Variants in UGDH observed in about 807,000 individuals in gnomAD.
UGDH encodes the protein UDP-Glc dehydrogenase.
UGDH carries 38 observed loss-of-function variants against 50.6 expected under a neutral mutation model. That is an observed-to-expected ratio of 0.75 (90% CI 0.58 to 0.98). The LOEUF (loss-of-function observed/expected upper bound fraction) is 0.98. UGDH is among the 50% of genes least tolerant of loss of function. UGDH has a pLI of 0.00. For synonymous variants in UGDH, 168 were observed against 199.9 expected (o/e 0.84, Z 1.35); for missense variants, 465 against 606.2 (o/e 0.77, Z 2.45).
At position 39,500,024 on chromosome 4, in the gene UGDH, T is replaced by C. The variant is rs577021038; in HGVS notation, c.*119A>G. Reference sequence around the variant, plus strand: ...CAGCCTGGGCAACAGTGAGACTCTGTCTCAAAAAAAAAACAAAAAAAAACA... The same window carrying C: ...CAGCCTGGGCAACAGTGAGACTCTGCCTCAAAAAAAAAACAAAAAAAAACA... On this transcript the variant is annotated 3_prime_UTR_variant, in exon 12 of 12. Coordinates refer to ENST00000316423, the MANE Select transcript of UGDH (RefSeq NM_003359.4). 1.9e-4 allele frequency: 109 copies of C among 586,742 alleles called. No homozygotes were observed. In the African/African-American group the frequency reaches 2.0e-3, roughly 11 times the overall value. 36.3% of individuals were successfully genotyped at this position (586,742 alleles called of 1,614,324 possible).
chr4:39,500,492 T>C (rs1283482407), intron 11 of UGDH, among the ~76,000 whole-genome samples: 1 of 152,158 alleles, frequency 6.6e-6, no homozygotes, highest in African/African-American at 2.4e-5. Context: ...TCCCCACACC[T>C]GACTCCCTCA....
intron 3 of UGDH, 72 bp downstream of exon 3, chr4:39,514,011 T>A (rs551788522): frequency 2.1e-6 from 2 of 969,698 alleles, no homozygotes; most frequent in Non-Finnish European, 2.7e-6. Context: ...ATGGATTTAC[T>A]ATTAAAGTAT....
At chr4:39,502,553 A>AT (rs1745861307) in intron 11 of UGDH, among the ~76,000 whole-genome samples, 1 of 151,938 alleles carries the variant, frequency 6.6e-6, no homozygotes, top group Non-Finnish European at 1.5e-5. Flanking sequence ...CCCCTGGCAT[A>AT]TTTTTTTATT....
intron 6 of UGDH, 131 bp downstream of exon 6, chr4:39,509,629 A>C: frequency 2.8e-6 from 3 of 1,086,498 alleles, no homozygotes; most frequent in Non-Finnish European, 1.2e-6. Context: ...ATCTCTAAAA[A>C]AGAAAATAAC....
In UGDH at chr4:39,504,625, T is replaced by C. The variant is rs1745959174; in HGVS notation, c.1172-117A>G. 4 of 900,920 alleles carry C rather than the reference T, an allele frequency of 4.4e-6. No individual in the cohort carries two copies. The East Asian group carries it at 7.9e-5, about 18-fold the overall frequency. 55.8% of individuals were successfully genotyped at this position (900,920 alleles called of 1,614,324 possible). Reference sequence around the variant, plus strand: ...AAGACCCCCAGTAGATGTCTGAAACTGTGGAGAGTACTGAACCCTATATAT... The same window carrying C: ...AAGACCCCCAGTAGATGTCTGAAACCGTGGAGAGTACTGAACCCTATATAT... On this transcript the variant is annotated intron_variant, in intron 9 of 11. Transcript: ENST00000316423.
chr4:39,505,332 T>C lies in UGDH; in HGVS notation c.1076A>G (p.Asp359Gly). 6.3e-7 allele frequency: 1 copy of C among 1,585,824 alleles called. No individual in the cohort carries two copies. Residue 359 changes from aspartate (D) to glycine (G), a missense_variant, in exon 9 of 12, where the codon GAT becomes GGT. By Grantham distance (94) the Asp-to-Gly change is moderately conservative. Coordinates refer to ENST00000316423, the MANE Select transcript of UGDH (RefSeq NM_003359.4). ...ATATATATGTAGATGTGCACCTTCA[T>C]CCATCAAATATTTGCTAATATATAT... is the stretch of plus-strand genomic sequence containing the variant. ...SSIYISKYLM[D>G]EGAHLHIYDP... is the part of the protein sequence containing the mutation.
chr4:39,504,495 C>A lies in UGDH; in HGVS notation c.1185G>T (p.Val395=). 6.2e-7 allele frequency: 1 copy of A among 1,613,758 alleles called. No homozygotes were observed. The highest frequency in any genetic ancestry group is 1.1e-5 in the South Asian group (1 of 91,006). The change falls in exon 10 of 12, where the codon GTG becomes GTT. Residue 395 remains valine (V), a synonymous_variant. Coordinates refer to ENST00000316423, the MANE Select transcript of UGDH (RefSeq NM_003359.4). ...CTTCATATGGATCCTTGGAAATGGT[C>A]ACGAGCCGGGACACTGTAACAATAG... ...VSEDDQVSRL[V]TISKDPYEAC...
rs1292322562 is a variant in UGDH at position 39,504,038 on chromosome 4, G to A, written c.1264-53C>T. The A allele has an allele frequency of 4.7e-6, 7 of 1,487,506 alleles. No individual in the cohort carries two copies. In the Admixed American group the frequency reaches 9.1e-5, roughly 19 times the overall value. The allele number at this position is 1,487,506 out of a possible 1,614,324, so 92.1% of individuals were successfully genotyped here. ...AAAACACATACGTGGGCCGGGCGGA[G>A]TGGCTCATGCCTGTAATCCCAGCAC... On this transcript the variant is annotated intron_variant, in intron 10 of 11. Coordinates refer to ENST00000316423, the MANE Select transcript of UGDH (RefSeq NM_003359.4).
At position 39,505,238 on chromosome 4, in the gene UGDH, T is replaced by G. The variant is rs774785564; in HGVS notation, c.1170A>C (p.Gln390His). Residue 390 changes from glutamine (Q) to histidine (H), a missense_variant and splice_region_variant, in exon 9 of 12, where the codon CAA becomes CAC. By Grantham distance (24) the Gln-to-His change is conservative. Coordinates refer to ENST00000316423, the MANE Select transcript of UGDH (RefSeq NM_003359.4). ...GATTCATGAGACTCAAAGCCTTACC[T>G]TGGTCATCCTCTGAAACACCTGGAT... is the stretch of plus-strand genomic sequence containing the variant. ...LSHPGVSEDDQVSRLVTISKD... is the reference protein window; with the variant it reads ...LSHPGVSEDDHVSRLVTISKD... 1 of 1,588,596 alleles carries G rather than the reference T, an allele frequency of 6.3e-7. No homozygotes were observed. Among genetic ancestry groups the G allele is most frequent in the Admixed American group, 1.8e-5 (1 of 54,362 alleles).
chr4:39,521,428 C>T lies in UGDH; in HGVS notation c.85G>A (p.Glu29Lys). 2.5e-6 allele frequency: 4 copies of T among 1,613,518 alleles called. No homozygotes were observed. The highest frequency in any genetic ancestry group is 3.4e-6 in the Non-Finnish European group (4 of 1,179,720). The change falls in exon 2 of 12, where the codon GAA becomes AAA. Residue 29 changes from glutamate (E) to lysine (K), a missense_variant. By Grantham distance (56) the Glu-to-Lys change is moderately conservative. Transcript: ENST00000316423. ...TCSVIAHMCPEIRVTVVDVNE... is the reference protein window; with the variant it reads ...TCSVIAHMCPKIRVTVVDVNE... ...ACATCAACAACCGTTACCCTGATTT[C>T]AGGACACATATGAGCAATGACACTA...
intron 2 of UGDH, among the ~76,000 whole-genome samples, chr4:39,516,461 C>A (rs1391391819): frequency 2.0e-5 from 3 of 152,152 alleles, no homozygotes; most frequent in African/African-American, 7.2e-5. Context: ...TGCTTGAAAT[C>A]TTCCACAACA....
At chr4:39,520,687 T>C (rs1746615649) in intron 2 of UGDH, among the ~76,000 whole-genome samples, 1 of 151,586 alleles carries the variant, frequency 6.6e-6, no homozygotes, top group African/African-American at 2.4e-5. Context: ...TTTATATTAA[T>C]ATTATTAAAA....
At chr4:39,520,812 G>T (rs372962477) in intron 2 of UGDH, among the ~76,000 whole-genome samples, 3 of 151,674 alleles carry the variant, frequency 2.0e-5, no homozygotes, top group East Asian at 3.8e-4. Flanking sequence ...AGTGGCTCAC[G>T]CCTGTAATCC....
Position 39,514,063 on chromosome 4 carries a change from C to A in UGDH, c.264+20G>T. The A allele has an allele frequency of 6.4e-7, 1 of 1,555,888 alleles. No individual in the cohort carries two copies. The highest frequency in any genetic ancestry group is 8.7e-7 in the Non-Finnish European group (1 of 1,144,156). On this transcript the variant is annotated intron_variant, in intron 3 of 11. Transcript: ENST00000316423. Reference sequence around the variant, plus strand: ...AGACAAGAATACATTAAAATTCACACAACAAAGGAAAATACTTACAGAAAT... The same window carrying A: ...AGACAAGAATACATTAAAATTCACAAAACAAAGGAAAATACTTACAGAAAT...
chr4:39,521,084 A>T (rs1279446020), intron 2 of UGDH, among the ~76,000 whole-genome samples: 1 of 151,562 alleles, frequency 6.6e-6, no homozygotes, highest in East Asian at 1.9e-4. Flanking sequence ...AAAAAAAAAA[A>T]AAAAAAGAAA....
At chr4:39,500,282 T>A in intron 11 of UGDH, 29 bp from the exon 12 acceptor site, 1 of 1,354,444 alleles carries the variant, frequency 7.4e-7, no homozygotes, top group Non-Finnish European at 1.0e-6. Flanking sequence ...TTAAGAGAAC[T>A]ATTAACAATT....
chr4:39,526,924 G>T, intron 1 of UGDH: 2 of 958,980 alleles, frequency 2.1e-6, no homozygotes, highest in Non-Finnish European at 2.8e-6. Flanking sequence ...CGACTCTGCG[G>T]CCAAAATGAG....
chr4:39,503,036 C>G (rs1477865506), intron 11 of UGDH, among the ~76,000 whole-genome samples: 1 of 152,204 alleles, frequency 6.6e-6, no homozygotes, highest in African/African-American at 2.4e-5. Flanking sequence ...CCTGCCTCAG[C>G]CTCCAAAGTA....
chr4:39,510,815 G>A lies in UGDH; in HGVS notation c.311C>T (p.Ala104Val), dbSNP rs1420419492. The change falls in exon 4 of 12, where the codon GCA (alanine) becomes GTA (valine). Residue 104 changes from alanine to valine, a missense_variant. Physicochemically the swap from Ala to Val is moderately conservative, Grantham distance 64. Transcript: ENST00000316423. ...KTYGMGKGRA[A>V]DLKYIEACAR... Reference sequence around the variant, plus strand: ...ACAAGCTTCAATATACTTCAGATCTGCTGCCCGGCCTTTCCCCATTCCATA... The same window carrying A: ...ACAAGCTTCAATATACTTCAGATCTACTGCCCGGCCTTTCCCCATTCCATA... The A allele has an allele frequency of 1.4e-5, 23 of 1,614,190 alleles. No homozygotes were observed. The highest frequency in any genetic ancestry group is 1.9e-5 in the Non-Finnish European group (23 of 1,180,038).
Sources: allele counts gnomAD v4.1 joint callset (sites outside exome capture counted in the v4.1 genomes callset), GRCh38; gene constraint gnomAD v4.1.1; transcripts MANE v1.5; gene names NCBI Gene and HGNC (gene_info 2026-07-23, HGNC 2026-07-21).